VSIG10: variants seen among roughly 807,000 people sequenced by gnomAD.
The protein encoded by VSIG10 is V-set and immunoglobulin domain containing 10.
A neutral mutation model predicts 58.7 loss-of-function variants in VSIG10; 48 were observed. That is an observed-to-expected ratio of 0.82 (90% CI 0.65 to 1.04). The LOEUF (loss-of-function observed/expected upper bound fraction) is 1.04, where lower values mean the gene tolerates loss of function less well. Ranked by LOEUF, VSIG10 falls within the 50% of genes least tolerant of loss-of-function variation. The pLI, the probability that VSIG10 is intolerant of heterozygous loss-of-function variation, is 0.00. For missense variants in VSIG10, 628 were observed against 670.0 expected (o/e 0.94, Z 0.69); for synonymous variants, 260 against 267.1 (o/e 0.97, Z 0.26).
chr12:118,103,942 C>G lies in VSIG10; in HGVS notation c.-271G>C. ...CGCCCCCTGCGCCCGCCAGCCTACT[C>G]CTGCCGGCGGAAAACAACAGGAGCG... On this transcript the variant is annotated 5_prime_UTR_variant, in exon 1 of 9. Coordinates refer to ENST00000359236, the MANE Select transcript of VSIG10 (RefSeq NM_019086.6). 2.7e-6 allele frequency: 1 copy of G among 367,514 alleles called. No homozygotes were observed. The highest frequency in any genetic ancestry group is 4.9e-6 in the Non-Finnish European group (1 of 204,672). 22.8% of individuals were successfully genotyped at this position (367,514 alleles called of 1,614,324 possible).
rs1333813304 is a variant in VSIG10, at chr12:118,095,605, C to T, written c.289G>A (p.Asp97Asn). 3 of 1,613,426 alleles carry T rather than the reference C, an allele frequency of 1.9e-6. No homozygotes were observed. In the African/African-American group the frequency reaches 4.0e-5, roughly 22 times the overall value. Residue 97 changes from aspartate (D) to asparagine (N), a missense_variant, in exon 2 of 9, where the codon GAT (aspartate) becomes AAT (asparagine). Transcript: ENST00000359236. ...TCCTGGCAGGTGTAGATTCCCTCAT[C>T]TCCCAGGCTCAGCGATTCAATGTGC... Reference protein sequence around the residue: ...SLHIESLSLGDEGIYTCQEIL... With the variant: ...SLHIESLSLGNEGIYTCQEIL...
chr12:118,077,018 A>G (rs2032755683), intron 4 of VSIG10, among the ~76,000 whole-genome samples: 1 of 152,170 alleles, frequency 6.6e-6, no homozygotes, highest in African/African-American at 2.4e-5. Flanking sequence ...CTAATCCACT[A>G]TGACCTTATC....
intron 8 of VSIG10, among the ~76,000 whole-genome samples, chr12:118,066,968 A>G (rs1266185228): frequency 6.6e-6 from 1 of 151,274 alleles, no homozygotes; most frequent in Non-Finnish European, 1.5e-5. Flanking sequence ...GCTTATTCCA[A>G]CTCAGCCGTC....
At position 118,103,640 on chromosome 12, in the gene VSIG10, CG is replaced by C; in HGVS notation, c.31del (p.Arg11AlafsTer16). On this transcript the variant is annotated frameshift_variant, in exon 1 of 9. Transcript: ENST00000359236. LOFTEE classifies it high-confidence loss of function. ...GAGCGCCCCGAGGCAGACGAGGACGCGGGGCTCGGGCGCACTGCCGCCTGCG... is the reference window on the plus strand; with the variant it reads ...GAGCGCCCCGAGGCAGACGAGGACGCGGGCTCGGGCGCACTGCCGCCTGCG... MAAGGSAPEP[R>X]VLVCLGALLA... The C allele has an allele frequency of 6.6e-7, 1 of 1,506,856 alleles. No homozygotes were observed. The allele number at this position is 1,506,856 out of a possible 1,614,324, so 93.3% of individuals were successfully genotyped here. A position where few individuals can be genotyped will look rare whatever the true frequency, so the allele number is the denominator to read the frequency against.
At chr12:118,097,470 C>T (rs2033495050) in intron 1 of VSIG10, among the ~76,000 whole-genome samples, 3 of 145,892 alleles carry the variant, frequency 2.1e-5, no homozygotes, top group African/African-American at 7.6e-5. Context: ...CAAAAATTAG[C>T]CAGGCGTGGT....
chr12:118,077,275 G>A (rs1157758722), intron 4 of VSIG10, among the ~76,000 whole-genome samples: 1 of 151,904 alleles, frequency 6.6e-6, no homozygotes, highest in Non-Finnish European at 1.5e-5. Flanking sequence ...CTCAGCCCAC[G>A]GATCTTCACC....
intron 2 of VSIG10, among the ~76,000 whole-genome samples, chr12:118,093,384 A>T (rs1430503911): frequency 2.0e-5 from 3 of 151,636 alleles, no homozygotes; most frequent in African/African-American, 7.3e-5. Context: ...TTTTTTAATA[A>T]TTTTTTGTAA....
intron 2 of VSIG10, among the ~76,000 whole-genome samples, chr12:118,090,813 CA>C (rs1459275237): frequency 6.6e-6 from 1 of 152,098 alleles, no homozygotes; most frequent in Non-Finnish European, 1.5e-5. Flanking sequence ...CCACTGTGCC[CA>C]GCCCTACTTA....
At chr12:118,080,928 G>C (rs563633170) in intron 3 of VSIG10, among the ~76,000 whole-genome samples, 1 of 152,212 alleles carries the variant, frequency 6.6e-6, no homozygotes, top group East Asian at 1.9e-4. Context: ...ATGACAAAAT[G>C]GTTATCTGGG....
intron 2 of VSIG10, among the ~76,000 whole-genome samples, chr12:118,086,610 T>C (rs1343154115): frequency 1.3e-5 from 2 of 152,080 alleles, no homozygotes; most frequent in African/African-American, 4.8e-5. Context: ...TAAACAGCTG[T>C]GTGGCCGGGT....
chr12:118,094,666 A>G (rs555010813), intron 2 of VSIG10, among the ~76,000 whole-genome samples: 12 of 152,112 alleles, frequency 7.9e-5, no homozygotes, highest in African/African-American at 2.9e-4. Flanking sequence ...TACAGGCATG[A>G]GCCACCATGC....
chr12:118,101,473 T>C (rs1337442691), intron 1 of VSIG10: 1 of 152,104 alleles, frequency 6.6e-6, no homozygotes, highest in Non-Finnish European at 1.5e-5. Context: ...TAGTAACAAG[T>C]TTAGAAGTCA....
At chr12:118,071,024 GT>G in intron 7 of VSIG10, 27 bp downstream of exon 7, 1 of 1,599,732 alleles carries the variant, frequency 6.3e-7, no homozygotes, top group Non-Finnish European at 8.5e-7. Flanking sequence ...GGGAATGGGT[GT>G]TTGGTTTGAT....
chr12:118,087,414 A>G (rs2033158327), intron 2 of VSIG10, among the ~76,000 whole-genome samples: 1 of 152,090 alleles, frequency 6.6e-6, no homozygotes. Flanking sequence ...TTCCATTTCC[A>G]TGTTTCTACA....
At chr12:118,081,012 G>A (rs1053304352) in intron 3 of VSIG10, among the ~76,000 whole-genome samples, 1 of 152,082 alleles carries the variant, frequency 6.6e-6, no homozygotes, top group African/African-American at 2.4e-5. Context: ...AGGCTGAGGT[G>A]AGCAGATCAC....
In VSIG10 at chr12:118,069,681, C is replaced by T. The variant is rs149164540; in HGVS notation, c.1347-1084G>A. 5.1e-3 allele frequency among the ~76,000 whole-genome samples: 784 copies of T among 152,246 alleles called. 11 individuals are homozygous for T. The highest frequency in any genetic ancestry group is 0.018 in the African/African-American group (746 of 41,544). On this transcript the variant is annotated intron_variant, in intron 7 of 8. Transcript: ENST00000359236. ...ACCTCAGGTGATCCACCCGCCTCGG[C>T]CTCCCAAAGTGCTGGGATTACAGGC...
At chr12:118,100,001 G>A (rs1384899435) in intron 1 of VSIG10, among the ~76,000 whole-genome samples, 1 of 152,202 alleles carries the variant, frequency 6.6e-6, no homozygotes, top group African/African-American at 2.4e-5. Context: ...TAAGCCACTT[G>A]CTGAAAGGTG....
Position 118,064,455 on chromosome 12 carries a change from C to T in VSIG10, c.*2184G>A, listed in dbSNP as rs1483527185. 4 of 148,752 alleles carry T rather than the reference C, an allele frequency of 2.7e-5. No individual in the cohort carries two copies. The highest frequency in any genetic ancestry group is 7.4e-5 in the African/African-American group (3 of 40,762). The allele number at this position is 148,752 out of a possible 1,614,324, so 9.2% of individuals were successfully genotyped here. A position where few individuals can be genotyped will look rare whatever the true frequency, so the allele number is the denominator to read the frequency against. ...AGCTAGGGTTTTTTTTTTTTTTCAC[C>T]TCAACAGTTTTTGTGTTTTCTTTTT... On this transcript the variant is annotated 3_prime_UTR_variant, in exon 9 of 9. Coordinates refer to ENST00000359236, the MANE Select transcript of VSIG10 (RefSeq NM_019086.6).
chr12:118,091,221 G>A (rs895820822), intron 2 of VSIG10, among the ~76,000 whole-genome samples: 2 of 152,088 alleles, frequency 1.3e-5, no homozygotes, highest in South Asian at 4.2e-4. Flanking sequence ...GGCTGGGTAC[G>A]GTGGCTCACG....
Sources: gnomAD v4.1 joint callset for allele counts (sites outside exome capture counted in the v4.1 genomes callset) on GRCh38, gnomAD v4.1.1 for gene constraint, MANE v1.5 for transcripts, NCBI Gene and HGNC (gene_info 2026-07-23, HGNC 2026-07-21) for gene names.